The following ATP13A3 variants were observed in gnomAD, a reference collection of about 807,000 sequenced individuals.
The protein encoded by ATP13A3 is ATPase 13A3, also known as polyamine-transporting ATPase 13A3.
In ATP13A3, 59 loss-of-function variants were observed where a neutral mutation model predicts 158.1. The observed-to-expected ratio is 0.37, with a 90% CI of 0.30 to 0.46. The LOEUF (loss-of-function observed/expected upper bound fraction) is 0.46. ATP13A3 is among the 20% of genes least tolerant of loss of function. The pLI is 1.00. For synonymous variants in ATP13A3, 491 were observed against 504.3 expected, an observed-to-expected ratio of 0.97 and a Z score of 0.35; for missense variants, 1,166 against 1,525.2, an observed-to-expected ratio of 0.76 and a Z score of 3.92.
intron 31 of ATP13A3, among the ~76,000 whole-genome samples, chr3:194,415,436 T>C (rs1440732575): frequency 6.6e-6 from 1 of 152,174 alleles, no homozygotes; most frequent in African/African-American, 2.4e-5. Flanking sequence ...TTTCTTCTTT[T>C]ACTGTAAGTG....
rs960629382 is a variant in ATP13A3 at position 194,403,278 on chromosome 3, C to T, written c.*2641G>A. 3 of 152,308 alleles carry T rather than the reference C, an allele frequency of 2.0e-5. No homozygotes were observed. Among genetic ancestry groups the T allele is most frequent in the East Asian group, 1.9e-4 (1 of 5,194 alleles). The allele number at this position is 152,308 out of a possible 1,614,324, so 9.4% of individuals were successfully genotyped here. The stretch of plus-strand genomic sequence containing the variant: ...ATGCAAGTGCAATTGGGAAAGCTTT[C>T]GAATTTCAGGATTATAAAACTACTA... On this transcript the variant is annotated 3_prime_UTR_variant, in exon 34 of 34. Transcript: ENST00000645319.
intron 2 of ATP13A3, among the ~76,000 whole-genome samples, chr3:194,476,236 T>C (rs987513521): frequency 2.3e-4 from 35 of 152,288 alleles, no homozygotes; most frequent in African/African-American, 7.9e-4. Flanking sequence ...TTCCTATTAA[T>C]ATTCCTCAGG....
chr3:194,414,612 ATAGTTG>A (rs920287344), intron 31 of ATP13A3, among the ~76,000 whole-genome samples: 2 of 152,224 alleles, frequency 1.3e-5, no homozygotes, highest in African/African-American at 4.8e-5. Context: ...AAAAAATGGG[ATAGTTG>A]TAAAGACAGA....
intron 24 of ATP13A3, 31 bp downstream of exon 24, chr3:194,430,912 A>G: frequency 6.5e-7 from 1 of 1,547,916 alleles, no homozygotes; most frequent in East Asian, 2.3e-5. Context: ...ATTCATCAAA[A>G]ACCAAAACCA....
intron 4 of ATP13A3, 151 bp from the exon 5 acceptor site, chr3:194,460,122 G>T: frequency 1.5e-6 from 1 of 646,058 alleles, no homozygotes; most frequent in Non-Finnish European, 2.5e-6. Context: ...ACCATTTCAT[G>T]AGGATGCTTA....
chr3:194,449,417 C>G (rs148169339), intron 11 of ATP13A3, among the ~76,000 whole-genome samples: 1 of 152,142 alleles, frequency 6.6e-6, no homozygotes, highest in Non-Finnish European at 1.5e-5. Context: ...CAGTGGCTCA[C>G]GCCTGTAATT....
intron 2 of ATP13A3, among the ~76,000 whole-genome samples, chr3:194,475,506 T>C (rs1720486796): frequency 6.6e-6 from 1 of 152,226 alleles, no homozygotes. Flanking sequence ...TTGAGTCCTT[T>C]GTCTAATCTG....
chr3:194,447,154 T>C (rs1286601206), intron 13 of ATP13A3, 39 bp from the exon 14 acceptor site: 1 of 1,524,390 alleles, frequency 6.6e-7, no homozygotes, highest in Non-Finnish European at 8.9e-7. Flanking sequence ...ATCCCCAGTA[T>C]TATTTACGGA....
At chr3:194,474,069 T>C (rs908979022) in intron 2 of ATP13A3, among the ~76,000 whole-genome samples, 1 of 152,228 alleles carries the variant, frequency 6.6e-6, no homozygotes, top group African/African-American at 2.4e-5. Context: ...TTTAGATTTA[T>C]GAAGTAGAGT....
chr3:194,485,289 CT>C (rs1720922975), intron 2 of ATP13A3, among the ~76,000 whole-genome samples: 1 of 152,102 alleles, frequency 6.6e-6, no homozygotes, highest in Non-Finnish European at 1.5e-5. Flanking sequence ...ACTGATTTGC[CT>C]TAAAGGGGTT....
intron 14 of ATP13A3, 47 bp downstream of exon 14, chr3:194,446,880 A>G: frequency 6.8e-7 from 1 of 1,460,684 alleles, no homozygotes; most frequent in Non-Finnish European, 9.3e-7. Flanking sequence ...CTAAATATTT[A>G]AACGCTACGA....
chr3:194,461,074 C>A (rs921652051), intron 3 of ATP13A3, among the ~76,000 whole-genome samples: 4 of 152,090 alleles, frequency 2.6e-5, no homozygotes, highest in African/African-American at 4.8e-5. Context: ...ATGCCTAATA[C>A]GTTCTTTCCC....
intron 28 of ATP13A3, 26 bp from the exon 29 acceptor site, chr3:194,427,278 G>C: frequency 1.9e-6 from 3 of 1,560,926 alleles, no homozygotes; most frequent in Non-Finnish European, 2.6e-6. Flanking sequence ...AAAGAGGAAA[G>C]GTTTGTATTT....
intron 31 of ATP13A3, among the ~76,000 whole-genome samples, chr3:194,416,673 A>G (rs536689583): frequency 6.6e-6 from 1 of 152,348 alleles, no homozygotes; most frequent in South Asian, 2.1e-4. Context: ...TGAAAAATAC[A>G]GAAAAAGCAC....
At chr3:194,436,161 C>A (rs1717622217) in intron 20 of ATP13A3, among the ~76,000 whole-genome samples, 2 of 151,990 alleles carry the variant, frequency 1.3e-5, no homozygotes, top group Admixed American at 1.3e-4. Context: ...GACCTCACCA[C>A]CTCCCCCAAA....
chr3:194,475,577 A>C (rs1172655196), intron 2 of ATP13A3, among the ~76,000 whole-genome samples: 1 of 152,184 alleles, frequency 6.6e-6, no homozygotes, highest in African/African-American at 2.4e-5. Context: ...ACATTCAACA[A>C]ATACTTCAAA....
chr3:194,462,368 C>T, intron 2 of ATP13A3, 132 bp from the exon 3 acceptor site: 1 of 599,184 alleles, frequency 1.7e-6, no homozygotes, highest in South Asian at 2.1e-5. Context: ...AGGAACAGGG[C>T]CACACAGTAG....
Position 194,448,121 on chromosome 3 carries a change from A to G in ATP13A3, c.1151-112T>C. ...GAGACAGAGTCTCGCTCTGTCACCC[A>G]GGCTGGAGTACAGTGGTGTGATCTC... On this transcript the variant is annotated intron_variant, in intron 12 of 33. Coordinates refer to ENST00000645319, the MANE Select transcript of ATP13A3 (RefSeq NM_001367549.1). This position sits in a 1 kb window ranked among gnomAD's most constrained non-coding sequence, Gnocchi z 4.0. 1 of 1,060,594 alleles carries G rather than the reference A, an allele frequency of 9.4e-7. No individual in the cohort carries two copies. Among genetic ancestry groups the G allele is most frequent in the South Asian group, 1.4e-5 (1 of 69,398 alleles). The allele number at this position is 1,060,594 out of a possible 1,614,324, so 65.7% of individuals were successfully genotyped here. A position where few individuals can be genotyped will look rare whatever the true frequency, so the allele number is the denominator to read the frequency against.
chr3:194,437,139 T>C lies in ATP13A3; in HGVS notation c.2076A>G (p.Lys692=), dbSNP rs748144404. The change falls in exon 20 of 34, where the codon AAA becomes AAG. Residue 692 remains lysine, a synonymous_variant. Coordinates refer to ENST00000645319, the MANE Select transcript of ATP13A3 (RefSeq NM_001367549.1). ...GFRVIALAHR[K]LESKLTWHKV... ...TATGCCATGTCAGTTTTGACTCCAA[T>C]TTTCTGTGTGCAAGAGCAATCACAC... 3.1e-6 allele frequency: 5 copies of C among 1,614,078 alleles called. No individual in the cohort carries two copies. In the African/African-American group the frequency reaches 6.7e-5, roughly 22 times the overall value.
Sources: gnomAD v4.1 joint callset for allele counts (sites outside exome capture counted in the v4.1 genomes callset) on GRCh38, gnomAD v4.1.1 for gene constraint, Gnocchi (gnomAD v3.1) non-coding constraint, MANE v1.5 for transcripts, NCBI Gene and HGNC (gene_info 2026-07-23, HGNC 2026-07-21) for gene names.